Variants in MAGI2 observed in about 807,000 individuals in gnomAD.
MAGI2 encodes the protein membrane associated guanylate kinase, WW and PDZ domain containing 2.
MAGI2 carries 35 observed loss-of-function variants against 133.3 expected under a neutral mutation model. The observed-to-expected ratio is 0.26, with a 90% CI of 0.20 to 0.35. The LOEUF is 0.35. MAGI2 is among the 10% of genes least tolerant of loss of function. The pLI is 1.00. For synonymous variants in MAGI2, 729 were observed against 710.6 expected (o/e 1.03, Z -0.41); for missense variants, 1,636 against 1,863.4 (o/e 0.88, Z 2.25).
chr7:79,167,397 CAAAAAAA>C (rs10542271), intron 1 of MAGI2, among the ~76,000 whole-genome samples: 3,756 of 84,810 alleles, frequency 0.044, 135 homozygotes, highest in African/African-American at 0.11. Flanking sequence ...CCAAAAATGG[CAAAAAAA>C]AAAAAAAAAA....
intron 2 of MAGI2, among the ~76,000 whole-genome samples, chr7:78,909,847 G>A (rs1171831809): frequency 6.6e-6 from 1 of 152,046 alleles, no homozygotes; most frequent in Non-Finnish European, 1.5e-5. Flanking sequence ...TATGTTTATT[G>A]CAGCACTGTT....
chr7:78,979,996 C>T (rs1424783949), intron 2 of MAGI2, among the ~76,000 whole-genome samples: 2 of 151,812 alleles, frequency 1.3e-5, no homozygotes, highest in Non-Finnish European at 2.9e-5. Flanking sequence ...TCACTCAGCT[C>T]ATAAATGAAG....
intron 6 of MAGI2, among the ~76,000 whole-genome samples, chr7:78,393,328 G>A (rs1218534095): frequency 6.6e-6 from 1 of 152,184 alleles, no homozygotes; most frequent in Non-Finnish European, 1.5e-5. Context: ...GCAAAGCAGC[G>A]GCAACAGTGG....
intron 2 of MAGI2, among the ~76,000 whole-genome samples, chr7:78,706,899 A>G (rs1818706011): frequency 6.6e-6 from 1 of 152,142 alleles, no homozygotes; most frequent in Admixed American, 6.6e-5. Flanking sequence ...CAACAGACTC[A>G]GGTCAACAGG....
chr7:78,298,350 C>T (rs1797499934), intron 9 of MAGI2, among the ~76,000 whole-genome samples: 1 of 152,094 alleles, frequency 6.6e-6, no homozygotes, highest in East Asian at 1.9e-4. Flanking sequence ...CTAAGGAAAT[C>T]TTAATAAAGT....
At chr7:78,553,803 G>A (rs909836186) in intron 3 of MAGI2, among the ~76,000 whole-genome samples, 1 of 152,158 alleles carries the variant, frequency 6.6e-6, no homozygotes, top group African/African-American at 2.4e-5. Flanking sequence ...AATAAATCTG[G>A]AGTTTTAATT....
chr7:79,217,502 A>C (rs570782987), intron 1 of MAGI2, among the ~76,000 whole-genome samples: 1 of 151,998 alleles, frequency 6.6e-6, no homozygotes, highest in Non-Finnish European at 1.5e-5. Context: ...GCTATATAGA[A>C]GGTATTTATA....
chr7:78,826,923 TA>T (rs946164237), intron 2 of MAGI2, among the ~76,000 whole-genome samples: 4 of 152,140 alleles, frequency 2.6e-5, no homozygotes, highest in African/African-American at 9.6e-5. Context: ...TTGCAAATAG[TA>T]AAAGCCAGAT....
At chr7:78,251,301 C>T (rs1792358043) in intron 10 of MAGI2, 2 of 152,168 alleles carry the variant, frequency 1.3e-5, no homozygotes, top group Non-Finnish European at 2.9e-5. Context: ...CTAACAGTTT[C>T]TAAAACTGGT....
intron 2 of MAGI2, among the ~76,000 whole-genome samples, chr7:78,995,021 T>A (rs1455640943): frequency 6.6e-6 from 1 of 152,058 alleles, no homozygotes; most frequent in African/African-American, 2.4e-5. Context: ...AGAGCTGACA[T>A]CAAAATGTTT....
chr7:78,129,716 G>A (rs1025073299), intron 18 of MAGI2, among the ~76,000 whole-genome samples: 1 of 151,938 alleles, frequency 6.6e-6, no homozygotes, highest in African/African-American at 2.4e-5. Flanking sequence ...AGGCTGAGGC[G>A]GGTGGATCAC....
At chr7:78,387,088 C>G (rs1420050966) in intron 6 of MAGI2, among the ~76,000 whole-genome samples, 1 of 152,140 alleles carries the variant, frequency 6.6e-6, no homozygotes, top group Non-Finnish European at 1.5e-5. Context: ...TTTTTTAAAC[C>G]TGTGAATGTA....
chr7:79,433,185 T>C (rs1847892900), intron 1 of MAGI2, among the ~76,000 whole-genome samples: 1 of 152,158 alleles, frequency 6.6e-6, no homozygotes, highest in South Asian at 2.1e-4. Context: ...TGAGGTGGGC[T>C]AGCGATGCTG....
intron 3 of MAGI2, among the ~76,000 whole-genome samples, chr7:78,564,783 C>CTTTTTT (rs35069216): frequency 0.034 from 2,220 of 64,366 alleles, 496 homozygotes; most frequent in Non-Finnish European, 0.048. Context: ...CTTTGACATT[C>CTTTTTT]TTTTTTTTTT....
chr7:78,375,971 G>GTAT (rs1393759343), intron 6 of MAGI2, among the ~76,000 whole-genome samples: 9 of 152,010 alleles, frequency 5.9e-5, no homozygotes, highest in African/African-American at 2.2e-4. Flanking sequence ...CTAACAAAAG[G>GTAT]TATTATATCT....
At chr7:79,131,216 A>C (rs1424449101) in intron 1 of MAGI2, among the ~76,000 whole-genome samples, 3 of 152,186 alleles carry the variant, frequency 2.0e-5, no homozygotes, top group Non-Finnish European at 4.4e-5. Context: ...AGTGCTGTTC[A>C]TACTGTTCTT....
At chr7:78,362,068 GA>G (rs1364464595) in intron 7 of MAGI2, among the ~76,000 whole-genome samples, 1 of 152,126 alleles carries the variant, frequency 6.6e-6, no homozygotes, top group Non-Finnish European at 1.5e-5. Flanking sequence ...TTGGGAGGCT[GA>G]GGCGGGTGGA....
At chr7:79,115,094 T>G (rs1431780018) in intron 1 of MAGI2, among the ~76,000 whole-genome samples, 1 of 152,184 alleles carries the variant, frequency 6.6e-6, no homozygotes, top group Non-Finnish European at 1.5e-5. Flanking sequence ...CAATGCTGAA[T>G]GTGCAAGAGG....
chr7:78,891,427 A>C (rs1440247191), intron 2 of MAGI2, among the ~76,000 whole-genome samples: 2 of 152,202 alleles, frequency 1.3e-5, no homozygotes, highest in African/African-American at 4.8e-5. Flanking sequence ...CACAACAGAA[A>C]AAGAGAATTT....
Sources: allele counts gnomAD v4.1 joint callset (sites outside exome capture counted in the v4.1 genomes callset), GRCh38; gene constraint gnomAD v4.1.1; transcripts MANE v1.5; gene names NCBI Gene and HGNC (gene_info 2026-07-23, HGNC 2026-07-21).